PCDH15: variants seen among roughly 807,000 people sequenced by gnomAD.
The protein encoded by PCDH15 is protocadherin related 15, also known as protocadherin-15.
A neutral mutation model predicts 178.5 loss-of-function variants in PCDH15; 129 were observed. That is an observed-to-expected ratio of 0.72 (90% CI 0.63 to 0.84). PCDH15 has a LOEUF of 0.84. Ranked by LOEUF, PCDH15 falls within the 40% of genes least tolerant of loss-of-function variation. PCDH15 has a pLI of 0.00. For synonymous variants in PCDH15, 800 were observed against 732.0 expected (o/e 1.09, Z -1.50); for missense variants, 2,230 against 2,099.9 (o/e 1.06, Z -1.21).
At chr10:53,933,458 A>G (rs1392617240) in intron 25 of PCDH15, among the ~76,000 whole-genome samples, 1 of 152,024 alleles carries the variant, frequency 6.6e-6, no homozygotes, top group Non-Finnish European at 1.5e-5. Flanking sequence ...TTTGCTGAGA[A>G]TGATGGTTTC....
At chr10:54,505,570 C>G (rs1296308890) in intron 3 of PCDH15, among the ~76,000 whole-genome samples, 2 of 151,982 alleles carry the variant, frequency 1.3e-5, no homozygotes, top group African/African-American at 4.8e-5. Flanking sequence ...ACCGCATGTT[C>G]TCACTCATAA....
At chr10:55,502,846 T>C (rs182872173) in intron 2 of PCDH15, among the ~76,000 whole-genome samples, 1 of 151,832 alleles carries the variant, frequency 6.6e-6, no homozygotes, top group East Asian at 1.9e-4. Context: ...ATTCTTTTTT[T>C]TCGTGTTTTG....
chr10:54,362,904 C>T (rs1190424882), intron 5 of PCDH15, among the ~76,000 whole-genome samples: 1 of 151,804 alleles, frequency 6.6e-6, no homozygotes, highest in Non-Finnish European at 1.5e-5. Flanking sequence ...TGTCATTATT[C>T]TTGTTTTAAT....
intron 2 of PCDH15, among the ~76,000 whole-genome samples, chr10:54,540,381 C>T (rs1024331548): frequency 6.6e-6 from 1 of 152,126 alleles, no homozygotes. Flanking sequence ...TTATCAACAC[C>T]TGTGTTCACA....
intron 1 of PCDH15, among the ~76,000 whole-genome samples, chr10:54,791,904 T>C (rs995550654): frequency 6.6e-6 from 1 of 151,862 alleles, no homozygotes; most frequent in Non-Finnish European, 1.5e-5. Flanking sequence ...AGTAGCACCT[T>C]TACAATGTGC....
At chr10:55,286,016 A>G (rs1302295996) in intron 1 of PCDH15, among the ~76,000 whole-genome samples, 5 of 151,986 alleles carry the variant, frequency 3.3e-5, no homozygotes, top group Non-Finnish European at 5.9e-5. Context: ...GATTTAAACA[A>G]TAACAGCTGT....
intron 2 of PCDH15, among the ~76,000 whole-genome samples, chr10:54,984,675 C>CA (rs1011111869): frequency 3.1e-4 from 47 of 151,862 alleles, no homozygotes; most frequent in African/African-American, 1.1e-3. Context: ...ACTGTCTCTA[C>CA]AAAAAAAATT....
intron 20 of PCDH15, among the ~76,000 whole-genome samples, chr10:54,006,007 C>T (rs868175279): frequency 2.0e-5 from 3 of 151,958 alleles, no homozygotes; most frequent in Admixed American, 6.6e-5. Flanking sequence ...TAATGTGCAA[C>T]GACATAATCA....
chr10:55,402,039 T>C (rs1304665042), intron 2 of PCDH15, among the ~76,000 whole-genome samples: 1 of 151,384 alleles, frequency 6.6e-6, no homozygotes, highest in Non-Finnish European at 1.5e-5. Flanking sequence ...TCTCTCTAAT[T>C]GCAAAGGTCC....
chr10:53,965,646 T>C (rs981147384), intron 21 of PCDH15, among the ~76,000 whole-genome samples: 1 of 152,182 alleles, frequency 6.6e-6, no homozygotes, highest in Non-Finnish European at 1.5e-5. Flanking sequence ...TAAGAGGTTA[T>C]GCAGCACATA....
intron 3 of PCDH15, among the ~76,000 whole-genome samples, chr10:54,381,259 G>A (rs995223732): frequency 2.0e-5 from 3 of 151,966 alleles, no homozygotes; most frequent in African/African-American, 7.3e-5. Flanking sequence ...AGAAGAATAC[G>A]TGACACCCAA....
chr10:53,901,854 A>G (rs541093677), intron 26 of PCDH15, among the ~76,000 whole-genome samples: 1 of 152,264 alleles, frequency 6.6e-6, no homozygotes, highest in Admixed American at 6.5e-5. Context: ...TTCTTATCTA[A>G]AATTGCACCA....
At chr10:55,160,202 A>G (rs573014651) in intron 2 of PCDH15, among the ~76,000 whole-genome samples, 2 of 152,042 alleles carry the variant, frequency 1.3e-5, no homozygotes, top group Non-Finnish European at 2.9e-5. Flanking sequence ...GCTTTCGTAC[A>G]GATTTTACTT....
chr10:54,756,756 T>C (rs894458228), intron 1 of PCDH15, among the ~76,000 whole-genome samples: 2 of 152,078 alleles, frequency 1.3e-5, no homozygotes, highest in African/African-American at 2.4e-5. Context: ...CTATGGATAC[T>C]TCCTTTATAA....
chr10:55,235,640 C>CTCAG (rs1390508316), intron 1 of PCDH15, among the ~76,000 whole-genome samples: 1 of 152,072 alleles, frequency 6.6e-6, no homozygotes, highest in African/African-American at 2.4e-5. Context: ...GGAGCGGTGG[C>CTCAG]TCAGGCCTGT....
intron 11 of PCDH15, among the ~76,000 whole-genome samples, chr10:54,187,762 C>T (rs1462439408): frequency 1.3e-5 from 2 of 151,886 alleles, no homozygotes; most frequent in East Asian, 1.9e-4. Context: ...CAAAATATAA[C>T]ATTTACATTT....
At chr10:55,057,811 T>C (rs1237151583) in intron 2 of PCDH15, among the ~76,000 whole-genome samples, 2 of 152,234 alleles carry the variant, frequency 1.3e-5, no homozygotes, top group Non-Finnish European at 2.9e-5. Flanking sequence ...AGATTCTACT[T>C]ATCTTTCCTC....
intron 1 of PCDH15, among the ~76,000 whole-genome samples, chr10:54,793,630 T>C (rs1951648770): frequency 6.7e-6 from 1 of 150,004 alleles, no homozygotes; most frequent in Admixed American, 6.7e-5. Context: ...TGTAGTAAAG[T>C]AGCCATAATT....
At chr10:53,904,468 CTTT>C (rs10659966) in intron 25 of PCDH15, among the ~76,000 whole-genome samples, 1 of 144,066 alleles carries the variant, frequency 6.9e-6, no homozygotes, top group African/African-American at 2.5e-5. Context: ...TAGAAATAGT[CTTT>C]TTTTTTTTTT....
Sources: allele counts gnomAD v4.1 joint callset (sites outside exome capture counted in the v4.1 genomes callset), GRCh38; gene constraint gnomAD v4.1.1; transcripts MANE v1.5; gene names NCBI Gene and HGNC (gene_info 2026-07-23, HGNC 2026-07-21).